GRIK4: variants seen among roughly 807,000 people sequenced by gnomAD.
The protein encoded by GRIK4 is glutamate receptor ionotropic, kainate 4.
In GRIK4, 40 loss-of-function variants were observed where a neutral mutation model predicts 104.9. That is an observed-to-expected ratio of 0.38 (90% CI 0.30 to 0.50). The LOEUF (loss-of-function observed/expected upper bound fraction) is 0.50, where lower values mean the gene tolerates loss of function less well. Ranked by LOEUF, GRIK4 falls within the 20% of genes least tolerant of loss-of-function variation. The pLI is 0.93. For synonymous variants in GRIK4, 485 were observed against 524.9 expected, an observed-to-expected ratio of 0.92 and a Z score of 1.04; for missense variants, 1,047 against 1,308.1, an observed-to-expected ratio of 0.80 and a Z score of 3.08.
At chr11:120,708,426 C>T (rs896169684) in intron 3 of GRIK4, among the ~76,000 whole-genome samples, 1 of 152,190 alleles carries the variant, frequency 6.6e-6, no homozygotes, top group African/African-American at 2.4e-5. Flanking sequence ...GAATAATCCT[C>T]ATCAGAGAGA....
rs150632218 is a variant in GRIK4, at chr11:120,525,212, G to A, written c.-159+13325G>A. 3.1e-3 allele frequency among the ~76,000 whole-genome samples: 466 copies of A among 152,318 alleles called. 5 individuals are homozygous for A. The highest frequency in any genetic ancestry group is 0.011 in the African/African-American group (445 of 41,564). ...CCACAGGGTACCATGGCTTTGTCAA[G>A]TCAGATTGAGTCTAGCCGTCTCATT... On this transcript the variant is annotated intron_variant, in intron 1 of 20. Transcript: ENST00000527524.
At chr11:120,954,694 C>A (rs1944093164) in intron 15 of GRIK4, among the ~76,000 whole-genome samples, 2 of 151,470 alleles carry the variant, frequency 1.3e-5, no homozygotes, top group South Asian at 4.2e-4. Flanking sequence ...CCCTCCACAT[C>A]CAAACACACC....
Position 120,952,905 on chromosome 11 carries a change from C to G in GRIK4, c.1641C>G (p.Val547=), listed in dbSNP as rs772372996. The G allele has an allele frequency of 9.3e-6, 15 of 1,614,108 alleles. No individual in the cohort carries two copies. The highest frequency in any genetic ancestry group is 1.3e-5 in the African/African-American group (1 of 75,034). Residue 547 remains valine (V), a synonymous_variant, in exon 15 of 21, where the codon GTC becomes GTG. Transcript: ENST00000527524. The surrounding 1 kb of genome is among the most constrained non-coding windows in gnomAD (Gnocchi z 5.2). ...TCCTGGACCCATTTTCTCCGGGCGT[C>G]TGGCTCTTCATGCTTCTAGCCTATC... The part of the protein sequence containing the change: ...FSFLDPFSPG[V]WLFMLLAYLA...
intron 8 of GRIK4, among the ~76,000 whole-genome samples, chr11:120,854,054 A>G (rs947233202): frequency 3.9e-5 from 6 of 152,214 alleles, no homozygotes; most frequent in African/African-American, 4.8e-5. Flanking sequence ...TTCACTTCCA[A>G]TTGTGGTCGG....
At chr11:120,646,828 T>C (rs1949550632) in intron 1 of GRIK4, among the ~76,000 whole-genome samples, 1 of 152,332 alleles carries the variant, frequency 6.6e-6, no homozygotes, top group African/African-American at 2.4e-5. Flanking sequence ...AAGAAAACCT[T>C]CCTTAATTCT....
intron 19 of GRIK4, among the ~76,000 whole-genome samples, chr11:120,969,396 C>T (rs559671983): frequency 8.5e-4 from 129 of 152,180 alleles, no homozygotes; most frequent in African/African-American, 2.9e-3. Flanking sequence ...CAGGCAGATA[C>T]GCACCTTGAA....
chr11:120,550,063 A>G (rs570894396), intron 1 of GRIK4, among the ~76,000 whole-genome samples: 15 of 152,034 alleles, frequency 9.9e-5, no homozygotes, highest in African/African-American at 3.6e-4. Context: ...ATTTTAACAG[A>G]ATTGCTGTGG....
At chr11:120,530,176 G>A (rs1179123370) in intron 1 of GRIK4, among the ~76,000 whole-genome samples, 1 of 152,220 alleles carries the variant, frequency 6.6e-6, no homozygotes, top group Non-Finnish European at 1.5e-5. Flanking sequence ...TGTGGTCCCA[G>A]GACATGTAGG....
In GRIK4 at chr11:120,643,992, A is replaced by G. The variant is rs143991572; in HGVS notation, c.-158-9693A>G. Among the ~76,000 whole-genome samples the G allele has an allele frequency of 1.0e-3, 143 of 136,470 alleles. 1 individual carries two copies. The highest frequency in any genetic ancestry group is 3.9e-3 in the African/African-American group (139 of 35,382). The allele number at this position is 136,470 out of a possible 152,430, so 89.5% of individuals were successfully genotyped here. On this transcript the variant is annotated intron_variant, in intron 1 of 20. Coordinates refer to ENST00000527524, the MANE Select transcript of GRIK4 (RefSeq NM_014619.5). ...AATAGTACTTTATATATAGATGACA[A>G]GTTTCCAGGGGAGAGGGTCTGTGTG...
At chr11:120,809,117 A>G (rs1952774832) in intron 4 of GRIK4, among the ~76,000 whole-genome samples, 1 of 152,096 alleles carries the variant, frequency 6.6e-6, no homozygotes. Flanking sequence ...CGGAGGAGGG[A>G]CCCTGTGAAG....
At chr11:120,514,964 G>T (rs763112959) in intron 1 of GRIK4, 2 of 456,498 alleles carry the variant, frequency 4.4e-6, no homozygotes, top group Admixed American at 2.3e-5. Context: ...CCATCCTGCC[G>T]CTGTGCCTGT....
chr11:120,920,737 G>A (rs1943210252), intron 13 of GRIK4, among the ~76,000 whole-genome samples: 1 of 152,186 alleles, frequency 6.6e-6, no homozygotes, highest in South Asian at 2.1e-4. Context: ...TTTTGAGTTG[G>A]AAGCCAGGGT....
At chr11:120,843,265 G>A (rs1176578918) in intron 8 of GRIK4, among the ~76,000 whole-genome samples, 3 of 152,248 alleles carry the variant, frequency 2.0e-5, no homozygotes, top group Non-Finnish European at 4.4e-5. Flanking sequence ...CCCTGCTCTC[G>A]GCACCGCCGC....
At chr11:120,645,366 G>A (rs115074447) in intron 1 of GRIK4, among the ~76,000 whole-genome samples, 59 of 152,328 alleles carry the variant, frequency 3.9e-4, no homozygotes, top group African/African-American at 1.3e-3. Context: ...AGAATGTCTT[G>A]TGTCATATTA....
rs144735496 is a variant in GRIK4, at chr11:120,775,165, C to A, written c.83-27528C>A. ...CCTTCTTGTCCACTGTCCTGGAAAA[C>A]ACCCTGGGCCTCTGTATTTCTTCTG... On this transcript the variant is annotated intron_variant, in intron 3 of 20. Transcript: ENST00000527524. 2.8e-4 allele frequency among the ~76,000 whole-genome samples: 43 copies of A among 152,322 alleles called. No homozygotes were observed. In the East Asian group the frequency reaches 7.9e-3, roughly 28 times the overall value.
intron 3 of GRIK4, among the ~76,000 whole-genome samples, chr11:120,680,917 G>A (rs11217970): frequency 0.13 from 19,493 of 152,126 alleles, 1,368 homozygotes; most frequent in South Asian, 0.23. Context: ...TTTCAGTTAC[G>A]GCAAAATATA....
chr11:120,740,912 C>T (rs1003822986), intron 3 of GRIK4, among the ~76,000 whole-genome samples: 51 of 152,110 alleles, frequency 3.4e-4, no homozygotes, highest in African/African-American at 1.0e-3. Context: ...TTTTATTTGA[C>T]GCAAGATCTG....
intron 1 of GRIK4, among the ~76,000 whole-genome samples, chr11:120,566,750 C>T (rs1360045028): frequency 1.4e-5 from 2 of 148,122 alleles, no homozygotes; most frequent in Non-Finnish European, 3.0e-5. Flanking sequence ...TGTTGCCAGG[C>T]TGGAGTGCAG....
At position 120,578,751 on chromosome 11, in the gene GRIK4, C is replaced by G. The variant is rs538569131; in HGVS notation, c.-159+66864C>G. ...TTGCACCCAGCTGGCCAGTGGTCTC[C>G]CCTCCCGGCGAACGCCCCGCCCGGC... On this transcript the variant is annotated intron_variant, in intron 1 of 20. Transcript: ENST00000527524. 2.0e-5 allele frequency among the ~76,000 whole-genome samples: 3 copies of G among 152,322 alleles called. No individual in the cohort carries two copies. The South Asian group carries it at 6.2e-4, about 32-fold the overall frequency.
Sources: allele counts gnomAD v4.1 joint callset (sites outside exome capture counted in the v4.1 genomes callset), GRCh38; gene constraint gnomAD v4.1.1; non-coding constraint Gnocchi (gnomAD v3.1); transcripts MANE v1.5; gene names NCBI Gene and HGNC (gene_info 2026-07-23, HGNC 2026-07-21).